The following F5 variants were observed in gnomAD, a reference collection of about 807,000 sequenced individuals.
The protein encoded by F5 is activated protein c cofactor.
In F5, 138 loss-of-function variants were observed where a neutral mutation model predicts 216.4. That is an observed-to-expected ratio of 0.64 (90% CI 0.56 to 0.73). The LOEUF is 0.73. Ranked by LOEUF, F5 falls within the 30% of genes least tolerant of loss-of-function variation. The pLI is 0.00. For missense variants in F5, 2,403 were observed against 2,674.0 expected, an observed-to-expected ratio of 0.90 and a Z score of 2.24; for synonymous variants, 916 against 930.7, an observed-to-expected ratio of 0.98 and a Z score of 0.29.
In F5 at chr1:169,515,475, G is replaced by T. The variant is rs1308347372; in HGVS notation, c.6497C>A (p.Pro2166Gln). 1.2e-6 allele frequency: 2 copies of T among 1,613,450 alleles called. No homozygotes were observed. Among genetic ancestry groups the T allele is most frequent in the Non-Finnish European group, 1.7e-6 (2 of 1,179,624 alleles). ...CACCATGGAGGATTTCAGCCTGTATGGTTTCCATTCCACTCCCTGCTCACT... is the reference window on the plus strand; with the variant it reads ...CACCATGGAGGATTTCAGCCTGTATTGTTTCCATTCCACTCCCTGCTCACT... ...HYSEQGVEWK[P>Q]YRLKSSMVDK... The change falls in exon 24 of 25, where the codon CCA becomes CAA. Residue 2166 changes from proline to glutamine, a missense_variant. Around this residue, in one of 4 missense-constraint regions of F5, gnomAD observed 659 missense variants for 787.9 expected, o/e 0.84. Coordinates refer to ENST00000367797, the MANE Select transcript of F5 (RefSeq NM_000130.5).
At chr1:169,579,020 T>C (rs916594402) in intron 2 of F5, among the ~76,000 whole-genome samples, 3 of 152,128 alleles carry the variant, frequency 2.0e-5, no homozygotes, top group East Asian at 3.9e-4. Context: ...AATTCTCAAA[T>C]GTCCTTAAGC....
chr1:169,532,181 A>G (rs1468485179), intron 14 of F5, among the ~76,000 whole-genome samples: 1 of 152,204 alleles, frequency 6.6e-6, no homozygotes, highest in Non-Finnish European at 1.5e-5. Context: ...CAAACTAGGC[A>G]TTGAAGGAAC....
intron 20 of F5, 89 bp from the exon 21 acceptor site, chr1:169,523,441 A>T: frequency 6.9e-7 from 1 of 1,456,642 alleles, no homozygotes; most frequent in Non-Finnish European, 9.5e-7. Context: ...CTTTCTTCAG[A>T]ACTAAAGAGC....
At chr1:169,572,008 G>T (rs1660734627) in intron 3 of F5, among the ~76,000 whole-genome samples, 1 of 152,132 alleles carries the variant, frequency 6.6e-6, no homozygotes, top group Non-Finnish European at 1.5e-5. Context: ...AAACATTAAA[G>T]AGTAAGAACC....
At chr1:169,544,968 TCA>T (rs1659964810) in intron 11 of F5, among the ~76,000 whole-genome samples, 1 of 152,226 alleles carries the variant, frequency 6.6e-6, no homozygotes, top group East Asian at 1.9e-4. Context: ...TACATAGTAT[TCA>T]CAGTTTCCAT....
intron 21 of F5, among the ~76,000 whole-genome samples, chr1:169,521,617 T>A (rs1392720738): frequency 2.4e-4 from 3 of 12,568 alleles, no homozygotes; most frequent in Admixed American, 1.1e-3. Context: ...GTGAAAAGAT[T>A]TTTTTTTTTT....
intron 3 of F5, among the ~76,000 whole-genome samples, chr1:169,561,990 C>T (rs1660495862): frequency 6.6e-6 from 1 of 151,344 alleles, no homozygotes; most frequent in Admixed American, 6.6e-5. Flanking sequence ...TTCTTCCTTC[C>T]CTATTCCCCA....
chr1:169,570,882 C>T (rs1390862232), intron 3 of F5, among the ~76,000 whole-genome samples: 3 of 152,026 alleles, frequency 2.0e-5, no homozygotes, highest in Non-Finnish European at 4.4e-5. Context: ...TTATTATTAC[C>T]ATTTTACAGA....
At chr1:169,532,291 A>G (rs1454461959) in intron 14 of F5, among the ~76,000 whole-genome samples, 2 of 152,186 alleles carry the variant, frequency 1.3e-5, no homozygotes, top group Non-Finnish European at 2.9e-5. Flanking sequence ...CTGGAACAAG[A>G]CATGGATGCC....
chr1:169,514,706 G>T (rs537294419), intron 24 of F5, among the ~76,000 whole-genome samples: 2 of 152,118 alleles, frequency 1.3e-5, no homozygotes, highest in South Asian at 2.1e-4. Context: ...AGCTCAAAAT[G>T]AGCATATCAA....
In F5 at chr1:169,528,026, G is replaced by A. The variant is rs774008252; in HGVS notation, c.5488C>T (p.Leu1830=). The A allele has an allele frequency of 6.2e-7, 1 of 1,613,926 alleles. No individual in the cohort carries two copies. The highest frequency in any genetic ancestry group is 2.2e-5 in the East Asian group (1 of 44,874). The change falls in exon 17 of 25, where the codon CTG becomes TTG. Residue 1830 remains leucine, a synonymous_variant. Transcript: ENST00000367797. ...MYEQEWVRLH[L]LNIGGSQDIH... ...TCTTGGGAGCCGCCTATGTTCAGCA[G>A]GTGTAACCTCACCCACTCTTGCTCA...
chr1:169,524,293 T>G (rs1324414484), intron 19 of F5, among the ~76,000 whole-genome samples: 2 of 152,154 alleles, frequency 1.3e-5, no homozygotes, highest in Admixed American at 1.3e-4. Context: ...TTTGGAGGAG[T>G]TCCTCACATA....
At chr1:169,521,615 ATT>A (rs35651599) in intron 21 of F5, among the ~76,000 whole-genome samples, 53,415 of 106,230 alleles carry the variant, frequency 0.5, 11,629 homozygotes, top group Non-Finnish European at 0.51. Flanking sequence ...CTGTGAAAAG[ATT>A]TTTTTTTTTT....
chr1:169,570,593 T>C (rs545231550), intron 3 of F5, among the ~76,000 whole-genome samples: 16 of 152,164 alleles, frequency 1.1e-4, no homozygotes, highest in Non-Finnish European at 2.4e-4. Context: ...TAAGTGCTAA[T>C]GCAAGTACTC....
At position 169,586,276 on chromosome 1, in the gene F5, A is replaced by G; in HGVS notation, c.111T>C (p.Ala37=). 6.2e-7 allele frequency: 1 copy of G among 1,614,196 alleles called. No homozygotes were observed. The highest frequency in any genetic ancestry group is 8.5e-7 in the Non-Finnish European group (1 of 1,180,040). ...GGTAGCTCCAACTGATGCCCTGAGC[A>G]GCCACGTAGAACTGCCTTAGCTGTG... is the stretch of plus-strand genomic sequence containing the variant. ...EAAQLRQFYV[A]AQGISWSYRP... Residue 37 remains alanine, a synonymous_variant, in exon 1 of 25, where the codon GCT becomes GCC. Coordinates refer to ENST00000367797, the MANE Select transcript of F5 (RefSeq NM_000130.5).
At chr1:169,584,236 G>A (rs1661050938) in intron 1 of F5, among the ~76,000 whole-genome samples, 1 of 152,128 alleles carries the variant, frequency 6.6e-6, no homozygotes, top group Admixed American at 6.5e-5. Context: ...TCATACTGAG[G>A]TATGTCTATT....
At chr1:169,523,757 A>G in intron 20 of F5, 44 bp downstream of exon 20, 1 of 1,454,540 alleles carries the variant, frequency 6.9e-7, no homozygotes, top group Non-Finnish European at 9.6e-7. Context: ...TTTCATTTTT[A>G]TTATTACGAT....
chr1:169,531,682 G>A (rs1328128967), intron 14 of F5, among the ~76,000 whole-genome samples: 1 of 152,132 alleles, frequency 6.6e-6, no homozygotes, highest in Non-Finnish European at 1.5e-5. Context: ...AACCTGGTGA[G>A]AAATGAGGCT....
intron 15 of F5, 96 bp downstream of exon 15, chr1:169,530,690 A>C: frequency 2.7e-6 from 3 of 1,125,250 alleles, no homozygotes; most frequent in Non-Finnish European, 4.1e-6. Context: ...AAAGCAAGAC[A>C]GACATTTGAC....
Sources: gnomAD v4.1 joint callset for allele counts (sites outside exome capture counted in the v4.1 genomes callset) on GRCh38, gnomAD v4.1.1 for gene constraint, gnomAD v4.1.1 regional missense constraint, MANE v1.5 for transcripts, NCBI Gene and HGNC (gene_info 2026-07-23, HGNC 2026-07-21) for gene names.